Variants in NUBPL observed in about 807,000 individuals in gnomAD.
NUBPL encodes the protein iron-sulfur cluster transfer protein NUBPL.
Under a neutral mutation model 45.7 loss-of-function variants are expected in NUBPL, and 31 were observed. That is an observed-to-expected ratio of 0.68 (90% CI 0.51 to 0.92). The LOEUF is 0.92. NUBPL is among the 40% of genes least tolerant of loss of function. The pLI is 0.00. For missense variants in NUBPL, 401 were observed against 398.7 expected (o/e 1.01, Z -0.05); for synonymous variants, 144 against 140.9 (o/e 1.02, Z -0.15).
intron 4 of NUBPL, among the ~76,000 whole-genome samples, chr14:31,637,842 A>G (rs2035552922): frequency 6.6e-6 from 1 of 152,184 alleles, no homozygotes; most frequent in Non-Finnish European, 1.5e-5. Context: ...CCATTACGTA[A>G]TGGCCTTCTT....
intron 6 of NUBPL, among the ~76,000 whole-genome samples, chr14:31,693,794 C>G (rs910272966): frequency 2.3e-5 from 1 of 43,080 alleles, no homozygotes; most frequent in South Asian, 7.8e-4. Flanking sequence ...GCACCTAAGA[C>G]AAAATTAAAA....
intron 6 of NUBPL, among the ~76,000 whole-genome samples, chr14:31,760,233 T>C (rs1238141948): frequency 1.3e-5 from 2 of 149,248 alleles, no homozygotes. Flanking sequence ...AGTCATGGCT[T>C]ACTGCAGCCA....
intron 7 of NUBPL, among the ~76,000 whole-genome samples, chr14:31,808,893 C>T (rs574162275): frequency 3.2e-4 from 48 of 152,098 alleles, no homozygotes; most frequent in African/African-American, 1.0e-3. Flanking sequence ...TTTTCTCTTT[C>T]GTTCTGTTTA....
chr14:31,587,723 G>A (rs1332884274), intron 3 of NUBPL, among the ~76,000 whole-genome samples: 1 of 152,048 alleles, frequency 6.6e-6, no homozygotes, highest in Non-Finnish European at 1.5e-5. Context: ...TCTAATTTTT[G>A]TGAAATATGC....
intron 6 of NUBPL, among the ~76,000 whole-genome samples, chr14:31,698,383 C>T (rs182007080): frequency 6.6e-6 from 1 of 150,508 alleles, no homozygotes; most frequent in African/African-American, 2.4e-5. Context: ...TGTTGAAAGA[C>T]TATTTTAAAC....
intron 7 of NUBPL, among the ~76,000 whole-genome samples, chr14:31,788,541 G>T (rs2044900506): frequency 6.6e-6 from 1 of 152,174 alleles, no homozygotes; most frequent in African/African-American, 2.4e-5. Context: ...TAATGGCATT[G>T]TTGCTCCTTA....
At chr14:31,569,531 G>A (rs1012597156) in intron 3 of NUBPL, among the ~76,000 whole-genome samples, 1 of 152,136 alleles carries the variant, frequency 6.6e-6, no homozygotes, top group African/African-American at 2.4e-5. Context: ...TAGGAATAGG[G>A]TGTAGATTTT....
chr14:31,589,772 C>T (rs1036977271), intron 3 of NUBPL, among the ~76,000 whole-genome samples: 1 of 152,142 alleles, frequency 6.6e-6, no homozygotes, highest in Non-Finnish European at 1.5e-5. Context: ...TGGTTTTAGG[C>T]ACATAGCATT....
chr14:31,721,658 C>T (rs1017370859), intron 6 of NUBPL, among the ~76,000 whole-genome samples: 7 of 151,166 alleles, frequency 4.6e-5, no homozygotes, highest in African/African-American at 1.7e-4. Flanking sequence ...GGTACATGTG[C>T]AGGTTTGTTA....
chr14:31,717,245 C>T (rs2037710664), intron 6 of NUBPL, among the ~76,000 whole-genome samples: 1 of 152,170 alleles, frequency 6.6e-6, no homozygotes, highest in Non-Finnish European at 1.5e-5. Context: ...TGGGCCTTCC[C>T]TCCTGCTTTC....
At chr14:31,765,955 A>C (rs1488829604) in intron 6 of NUBPL, among the ~76,000 whole-genome samples, 1 of 152,246 alleles carries the variant, frequency 6.6e-6, no homozygotes, top group Non-Finnish European at 1.5e-5. Flanking sequence ...AACTTTAGCC[A>C]TGAGTTAGGT....
At chr14:31,615,133 G>T (rs2034863966) in intron 4 of NUBPL, among the ~76,000 whole-genome samples, 2 of 152,078 alleles carry the variant, frequency 1.3e-5, no homozygotes, top group Admixed American at 6.6e-5. Flanking sequence ...TCATGATAGT[G>T]AGTGAGTTCT....
At chr14:31,699,416 C>T (rs1366525469) in intron 6 of NUBPL, among the ~76,000 whole-genome samples, 1 of 152,092 alleles carries the variant, frequency 6.6e-6, no homozygotes, top group Admixed American at 6.5e-5. Flanking sequence ...TATCTGCATT[C>T]ACATTTAAAT....
intron 10 of NUBPL, among the ~76,000 whole-genome samples, chr14:31,853,475 A>G (rs963966003): frequency 2.0e-5 from 3 of 152,078 alleles, no homozygotes; most frequent in Non-Finnish European, 2.9e-5. Context: ...TCCATTTTCT[A>G]TCACTCCATC....
chr14:31,619,505 G>A (rs1204497322), intron 4 of NUBPL, among the ~76,000 whole-genome samples: 1 of 152,082 alleles, frequency 6.6e-6, no homozygotes, highest in Admixed American at 6.5e-5. Context: ...CTCAATATTT[G>A]CCTATTTGTA....
chr14:31,850,033 G>A lies in NUBPL; in HGVS notation c.815-86G>A, dbSNP rs917985101. On this transcript the variant is annotated intron_variant, in intron 9 of 10. Transcript: ENST00000281081. The stretch of plus-strand genomic sequence containing the variant: ...TTTGAATCAATTTAGTTCCGATTTT[G>A]TTTCTTTCCATAGTTCAAATAGTGA... The A allele has an allele frequency of 3.6e-5, 35 of 964,654 alleles. No individual in the cohort carries two copies. The African/African-American group carries it at 5.0e-4, about 14-fold the overall frequency. The allele number at this position is 964,654 out of a possible 1,614,324, so 59.8% of individuals were successfully genotyped here.
intron 4 of NUBPL, among the ~76,000 whole-genome samples, chr14:31,611,062 A>G (rs1478555773): frequency 6.6e-6 from 1 of 152,220 alleles, no homozygotes; most frequent in Non-Finnish European, 1.5e-5. Context: ...TCAACATAGT[A>G]CTGGAAGTCA....
In NUBPL at chr14:31,596,372, G is replaced by A. The variant is rs574711962; in HGVS notation, c.292-2917G>A. On this transcript the variant is annotated intron_variant, in intron 3 of 10. Transcript: ENST00000281081. Reference sequence around the variant, plus strand: ...CCTCTGACGCTGAGATGACTGGCCTGCGTGCTCTTGGTGCTAACAAAATTA... The same window carrying A: ...CCTCTGACGCTGAGATGACTGGCCTACGTGCTCTTGGTGCTAACAAAATTA... Among the ~76,000 whole-genome samples, 7 of 152,168 alleles carry A rather than the reference G, an allele frequency of 4.6e-5. No homozygotes were observed. The South Asian group carries it at 1.2e-3, about 27-fold the overall frequency.
chr14:31,775,978 A>G (rs1034822679), intron 6 of NUBPL, among the ~76,000 whole-genome samples: 2 of 152,240 alleles, frequency 1.3e-5, no homozygotes, highest in African/African-American at 4.8e-5. Flanking sequence ...ACATTTCTAT[A>G]TAAGCATTTC....
Sources: gnomAD v4.1 joint callset for allele counts (sites outside exome capture counted in the v4.1 genomes callset) on GRCh38, gnomAD v4.1.1 for gene constraint, MANE v1.5 for transcripts, NCBI Gene and HGNC (gene_info 2026-07-23, HGNC 2026-07-21) for gene names.